MARK3: variants seen among roughly 807,000 people sequenced by gnomAD.
MARK3 encodes microtubule affinity regulating kinase 3, also known as MAP/microtubule affinity-regulating kinase 3.
In MARK3, 46 loss-of-function variants were observed where a neutral mutation model predicts 90.1. The observed-to-expected ratio is 0.51, with a 90% CI of 0.40 to 0.65. The LOEUF (loss-of-function observed/expected upper bound fraction) is 0.65, where lower values mean the gene tolerates loss of function less well. Among genes scored for constraint, MARK3 ranks in the 30% least tolerant of loss-of-function variants. The pLI is 0.00. For missense variants in MARK3, 818 were observed against 947.2 expected, an observed-to-expected ratio of 0.86 and a Z score of 1.79; for synonymous variants, 321 against 332.6, an observed-to-expected ratio of 0.97 and a Z score of 0.38.
intron 12 of MARK3, among the ~76,000 whole-genome samples, chr14:103,470,047 G>A (rs1356064137): frequency 6.9e-6 from 1 of 145,050 alleles, no homozygotes; most frequent in Non-Finnish European, 1.5e-5. Context: ...GTGACAGAGT[G>A]AGAGTCCATC....
intron 2 of MARK3, among the ~76,000 whole-genome samples, chr14:103,415,941 C>T (rs529567672): frequency 7.2e-5 from 11 of 152,236 alleles, no homozygotes; most frequent in African/African-American, 2.4e-4. Flanking sequence ...CATTGACTTC[C>T]ACTTCCCACT....
intron 12 of MARK3, among the ~76,000 whole-genome samples, chr14:103,471,787 A>T (rs1022474876): frequency 1.3e-5 from 2 of 149,654 alleles, no homozygotes; most frequent in Non-Finnish European, 3.0e-5. Context: ...TTTTTTAAAA[A>T]ATGAAAAAAA....
intron 3 of MARK3, among the ~76,000 whole-genome samples, chr14:103,433,324 T>G (rs921910107): frequency 1.3e-5 from 2 of 151,840 alleles, no homozygotes; most frequent in Non-Finnish European, 2.9e-5. Context: ...TGGCCTCAGG[T>G]GATCTGCCTG....
At chr14:103,425,834 A>T (rs1016825734) in intron 2 of MARK3, among the ~76,000 whole-genome samples, 1 of 152,198 alleles carries the variant, frequency 6.6e-6, no homozygotes, top group African/African-American at 2.4e-5. Flanking sequence ...GTTATAGCCC[A>T]TCCACTCCAG....
chr14:103,502,485 C>T (rs911265794), intron 17 of MARK3, among the ~76,000 whole-genome samples: 8 of 152,228 alleles, frequency 5.3e-5, no homozygotes, highest in African/African-American at 1.7e-4. Context: ...AGGAGAGGGA[C>T]AGCCCAGGGT....
At chr14:103,443,953 GTCCCTTAT>G (rs2092926013) in intron 3 of MARK3, among the ~76,000 whole-genome samples, 1 of 152,000 alleles carries the variant, frequency 6.6e-6, no homozygotes, top group South Asian at 2.1e-4. Flanking sequence ...CTGGTCTTCT[GTCCCTTAT>G]CTGTGTATCT....
chr14:103,402,955 C>T (rs1314981559), intron 1 of MARK3, among the ~76,000 whole-genome samples: 1 of 152,096 alleles, frequency 6.6e-6, no homozygotes, highest in East Asian at 1.9e-4. Context: ...AAACTGGTTT[C>T]AGGTTACAAT....
At chr14:103,389,970 C>T (rs12896832) in intron 1 of MARK3, among the ~76,000 whole-genome samples, 38,694 of 131,068 alleles carry the variant, frequency 0.3, 6,530 homozygotes, top group Non-Finnish European at 0.37. Context: ...AAAAAAAGGC[C>T]GGGCGCGGTG....
At chr14:103,391,065 A>G (rs903450498) in intron 1 of MARK3, among the ~76,000 whole-genome samples, 1 of 152,176 alleles carries the variant, frequency 6.6e-6, no homozygotes, top group African/African-American at 2.4e-5. Flanking sequence ...ATAGAATGTT[A>G]TTTATCAATG....
chr14:103,470,455 A>ATTTTCTTTTTTTTTTTTT (rs2093604746), intron 12 of MARK3, among the ~76,000 whole-genome samples: 1 of 55,050 alleles, frequency 1.8e-5, no homozygotes, highest in East Asian at 7.8e-4. Flanking sequence ...AACTAAATCT[A>ATTTTCTTTTTTTTTTTTT]TTTTTTTTTT....
At chr14:103,481,718 G>A (rs2093822125) in intron 14 of MARK3, among the ~76,000 whole-genome samples, 1 of 148,502 alleles carries the variant, frequency 6.7e-6, no homozygotes, top group South Asian at 2.2e-4. Flanking sequence ...ATAGCAGCTG[G>A]GGTAGATAGT....
Position 103,391,945 on chromosome 14 carries a change from A to C in MARK3, c.51+5865A>C, listed in dbSNP as rs143372836. 1.0e-3 allele frequency among the ~76,000 whole-genome samples: 157 copies of C among 152,222 alleles called. 5 individuals are homozygous for C. In the East Asian group the frequency reaches 0.026, roughly 25 times the overall value. ...GGAGCCACGGATACATCCTTTTTCT[A>C]TACTGGCAAAATGAGAAACATATTT... On this transcript the variant is annotated intron_variant, in intron 1 of 17. Transcript: ENST00000429436.
At chr14:103,482,019 G>T (rs1174560391) in intron 14 of MARK3, among the ~76,000 whole-genome samples, 2 of 151,082 alleles carry the variant, frequency 1.3e-5, no homozygotes, top group African/African-American at 4.9e-5. Flanking sequence ...ACCCACCTCG[G>T]CCTCCCAAAG....
intron 12 of MARK3, among the ~76,000 whole-genome samples, chr14:103,473,684 A>G (rs2093667246): frequency 1.3e-5 from 2 of 152,132 alleles, no homozygotes; most frequent in South Asian, 4.1e-4. Context: ...ATTTTTGTCC[A>G]AGAACTAACT....
chr14:103,480,672 C>T (rs1326317024), intron 14 of MARK3, among the ~76,000 whole-genome samples, 182 bp downstream of exon 14: 2 of 152,108 alleles, frequency 1.3e-5, no homozygotes, highest in African/African-American at 4.8e-5. Context: ...TTTTTGTTGT[C>T]CAGAGCATCA....
rs754936446 is a variant in MARK3 at position 103,502,931 on chromosome 14, C to T, written c.1966C>T (p.Arg656Ter). 7 of 1,613,996 alleles carry T rather than the reference C, an allele frequency of 4.3e-6. No individual in the cohort carries two copies. The highest frequency in any genetic ancestry group is 5.1e-6 in the Non-Finnish European group (6 of 1,179,952). ...QKDENKEAKP[R>*]SLRFTWSMKT... ...AGATGAAAACAAAGAAGCAAAGCCTCGATCCCTACGCTTCACCTGGAGCAT... is the reference window on the plus strand; with the variant it reads ...AGATGAAAACAAAGAAGCAAAGCCTTGATCCCTACGCTTCACCTGGAGCAT... Residue 656 changes from arginine to a stop codon, truncating the protein, a stop_gained, in exon 18 of 18, where the codon CGA becomes TGA. Coordinates refer to ENST00000429436, the MANE Select transcript of MARK3 (RefSeq NM_001128918.3). LOFTEE classifies it high-confidence loss of function.
At chr14:103,449,846 C>G (rs942423374) in intron 4 of MARK3, among the ~76,000 whole-genome samples, 2 of 152,170 alleles carry the variant, frequency 1.3e-5, no homozygotes, top group Admixed American at 1.3e-4. Context: ...TGAAATCACT[C>G]TTAAGACAGC....
chr14:103,444,066 G>C (rs1252194575), intron 3 of MARK3, among the ~76,000 whole-genome samples: 2 of 133,916 alleles, frequency 1.5e-5, no homozygotes, highest in Non-Finnish European at 3.2e-5. Context: ...TTTTACTTTC[G>C]TATCGGTTGG....
At chr14:103,476,092 C>T (rs1037568474) in intron 13 of MARK3, among the ~76,000 whole-genome samples, 3 of 152,186 alleles carry the variant, frequency 2.0e-5, no homozygotes, top group Admixed American at 6.5e-5. Context: ...GAGCATAGCA[C>T]ACCCACCATA....
Sources: gnomAD v4.1 joint callset for allele counts (sites outside exome capture counted in the v4.1 genomes callset) on GRCh38, gnomAD v4.1.1 for gene constraint, MANE v1.5 for transcripts, NCBI Gene and HGNC (gene_info 2026-07-23, HGNC 2026-07-21) for gene names.